Variants in MSH3 observed in about 807,000 individuals in gnomAD.
MSH3 encodes the protein mutS homolog 3.
A neutral mutation model predicts 123.3 loss-of-function variants in MSH3; 106 were observed. The ratio of observed to expected loss-of-function variants is 0.86; its 90% confidence interval spans 0.73 to 1.01. MSH3 has a LOEUF of 1.01. MSH3 is among the 50% of genes least tolerant of loss of function. The probability of loss-of-function intolerance (pLI) is 0.00; values close to 1 mark genes in which losing one functional copy is unlikely to be tolerated. For synonymous variants in MSH3, 515 were observed against 481.4 expected (o/e 1.07, Z -0.91); for missense variants, 1,459 against 1,347.6 (o/e 1.08, Z -1.29).
intron 12 of MSH3, among the ~76,000 whole-genome samples, chr5:80,745,295 C>A (rs1431074252): frequency 2.0e-5 from 3 of 152,120 alleles, no homozygotes; most frequent in African/African-American, 7.2e-5. Flanking sequence ...AAATTTTACC[C>A]AGATGATTCT....
At chr5:80,772,436 C>A (rs979775068) in intron 15 of MSH3, among the ~76,000 whole-genome samples, 3 of 152,040 alleles carry the variant, frequency 2.0e-5, no homozygotes, top group Non-Finnish European at 4.4e-5. Context: ...TTCGGCAAGC[C>A]TAGCAACGTT....
At chr5:80,806,298 A>G (rs1744890084) in intron 19 of MSH3, among the ~76,000 whole-genome samples, 1 of 151,980 alleles carries the variant, frequency 6.6e-6, no homozygotes. Flanking sequence ...GGGTTTCTCC[A>G]TGTTGATAGG....
intron 21 of MSH3, among the ~76,000 whole-genome samples, chr5:80,860,801 C>T (rs768395892): frequency 5.9e-5 from 9 of 152,084 alleles, no homozygotes; most frequent in Non-Finnish European, 1.3e-4. Context: ...TCATTAGCTG[C>T]ATGTTATATC....
chr5:80,787,799 A>G (rs898952881), intron 18 of MSH3, 127 bp downstream of exon 18: 6 of 711,332 alleles, frequency 8.4e-6, no homozygotes, highest in African/African-American at 5.3e-5. Flanking sequence ...GGAAAGCTGA[A>G]TGTCATACAT....
chr5:80,679,116 T>C, intron 8 of MSH3, 23 bp downstream of exon 8: 1 of 1,611,700 alleles, frequency 6.2e-7, no homozygotes, highest in Non-Finnish European at 8.5e-7. Context: ...ATCACTGGAA[T>C]ATAATACCGA....
chr5:80,741,663 C>T, intron 11 of MSH3, 115 bp downstream of exon 11: 1 of 759,694 alleles, frequency 1.3e-6, no homozygotes, highest in Non-Finnish European at 2.4e-6. Flanking sequence ...TAGCTGACTG[C>T]AGTATTAATT....
At chr5:80,752,010 G>A (rs893976607) in intron 12 of MSH3, among the ~76,000 whole-genome samples, 1 of 152,008 alleles carries the variant, frequency 6.6e-6, no homozygotes, top group African/African-American at 2.4e-5. Flanking sequence ...GTGCAATTTT[G>A]TGTTTGTAGT....
In MSH3 at chr5:80,744,522, A is replaced by G. The variant is rs779526052; in HGVS notation, c.1670A>G (p.Lys557Arg). Reference sequence around the variant, plus strand: ...CTTTCTTAGACTGATATGAAAACCAAAGGAAGTTTGCTGTGGGTTTTAGAC... The same window carrying G: ...CTTTCTTAGACTGATATGAAAACCAGAGGAAGTTTGCTGTGGGTTTTAGAC... ...ILQNQTDMKT[K>R]GSLLWVLDHT... Residue 557 changes from lysine (K) to arginine (R), a missense_variant, in exon 12 of 24, where the codon AAA becomes AGA. Lys to Arg is a conservative substitution (Grantham distance 26). Coordinates refer to ENST00000265081, the MANE Select transcript of MSH3 (RefSeq NM_002439.5). The G allele has an allele frequency of 5.6e-6, 9 of 1,613,514 alleles. No individual in the cohort carries two copies. Among genetic ancestry groups the G allele is most frequent in the East Asian group, 2.2e-5 (1 of 44,838 alleles).
At chr5:80,687,239 C>T (rs1301356949) in intron 8 of MSH3, among the ~76,000 whole-genome samples, 1 of 152,124 alleles carries the variant, frequency 6.6e-6, no homozygotes, top group Non-Finnish European at 1.5e-5. Context: ...GTTACACTTT[C>T]TTTTGTTGTA....
At chr5:80,662,876 T>TA (rs1266087099) in intron 2 of MSH3, among the ~76,000 whole-genome samples, 1 of 151,884 alleles carries the variant, frequency 6.6e-6, no homozygotes, top group Non-Finnish European at 1.5e-5. Context: ...ATTTGGGACA[T>TA]ACACACAGAC....
At chr5:80,656,195 A>G (rs922396231) in intron 1 of MSH3, among the ~76,000 whole-genome samples, 10 of 152,172 alleles carry the variant, frequency 6.6e-5, no homozygotes, top group African/African-American at 2.2e-4. Flanking sequence ...ACACGGCTTG[A>G]GTTGCTGAGG....
intron 20 of MSH3, among the ~76,000 whole-genome samples, chr5:80,824,659 C>T (rs1204989947): frequency 1.3e-5 from 2 of 152,086 alleles, no homozygotes; most frequent in African/African-American, 4.8e-5. Flanking sequence ...ACAAAAACAC[C>T]CCATTCTCCC....
At chr5:80,724,571 G>A (rs887426943) in intron 8 of MSH3, among the ~76,000 whole-genome samples, 2 of 152,136 alleles carry the variant, frequency 1.3e-5, no homozygotes, top group Non-Finnish European at 2.9e-5. Flanking sequence ...TACCCAGCAT[G>A]CATGCTATGA....
intron 10 of MSH3, among the ~76,000 whole-genome samples, chr5:80,736,990 G>A (rs1415843453): frequency 6.6e-6 from 1 of 152,102 alleles, no homozygotes; most frequent in Non-Finnish European, 1.5e-5. Context: ...ATTGAACCTG[G>A]CAGTGGTCTT....
rs1280435310 is a variant in MSH3 at position 80,670,156 on chromosome 5, A to G, written c.639A>G (p.Leu213=). The G allele has an allele frequency of 6.2e-7, 1 of 1,614,204 alleles. No individual in the cohort carries two copies. The highest frequency in any genetic ancestry group is 2.2e-5 in the East Asian group (1 of 44,864). The change falls in exon 4 of 24, where the codon TTA becomes TTG. Residue 213 remains leucine, a synonymous_variant. Coordinates refer to ENST00000265081, the MANE Select transcript of MSH3 (RefSeq NM_002439.5). ...FGSSNTSHEN[L]QKTASKSANK... ...CATCAAATACAAGTCATGAAAATTT[A>G]CAGAAAACTGCTTCCAAATCAGCTA...
intron 4 of MSH3, among the ~76,000 whole-genome samples, 163 bp downstream of exon 4, chr5:80,670,472 AACTTGGTGGGAACCAG>A (rs1165141603): frequency 6.6e-6 from 1 of 152,226 alleles, no homozygotes; most frequent in African/African-American, 2.4e-5. Flanking sequence ...GAACACAAGA[AACTTGGTGGGAACCAG>A]ACTTGGTGGG....
intron 20 of MSH3, among the ~76,000 whole-genome samples, chr5:80,834,504 G>A (rs1745474566): frequency 6.7e-6 from 1 of 149,368 alleles, no homozygotes; most frequent in South Asian, 2.1e-4. Context: ...ATTTTTAAAA[G>A]CACTTGAAGT....
At chr5:80,668,741 TG>T (rs1749626687) in intron 3 of MSH3, among the ~76,000 whole-genome samples, 2 of 152,204 alleles carry the variant, frequency 1.3e-5, no homozygotes, top group South Asian at 4.1e-4. Context: ...AGCCACAGCT[TG>T]GGTGGCTGTG....
intron 12 of MSH3, among the ~76,000 whole-genome samples, chr5:80,751,445 C>G (rs758407056): frequency 3.3e-5 from 5 of 152,118 alleles, no homozygotes; most frequent in Non-Finnish European, 5.9e-5. Context: ...ATAAATTTTG[C>G]TGGGAAAACT....
Sources: allele counts gnomAD v4.1 joint callset (sites outside exome capture counted in the v4.1 genomes callset), GRCh38; gene constraint gnomAD v4.1.1; transcripts MANE v1.5; gene names NCBI Gene and HGNC (gene_info 2026-07-23, HGNC 2026-07-21).